FAM193A: variants seen among roughly 807,000 people sequenced by gnomAD.
FAM193A encodes protein FAM193A.
FAM193A carries 22 observed loss-of-function variants against 126.5 expected under a neutral mutation model. That is an observed-to-expected ratio of 0.17 (90% CI 0.12 to 0.25). FAM193A has a LOEUF of 0.25. Among genes scored for constraint, FAM193A ranks in the 10% least tolerant of loss-of-function variants. The pLI is 1.00. For synonymous variants in FAM193A, 761 were observed against 646.8 expected (o/e 1.18, Z -2.68); for missense variants, 1,675 against 1,672.8 (o/e 1.00, Z -0.02).
intron 1 of FAM193A, among the ~76,000 whole-genome samples, chr4:2,592,666 A>T (rs1430496702): frequency 6.6e-6 from 1 of 152,196 alleles, no homozygotes; most frequent in African/African-American, 2.4e-5. Context: ...ACCGAGTCTG[A>T]GGATCTCCTT....
chr4:2,539,459 T>G (rs553769024), intron 1 of FAM193A, among the ~76,000 whole-genome samples: 2 of 152,140 alleles, frequency 1.3e-5, no homozygotes, highest in Non-Finnish European at 1.5e-5. Flanking sequence ...CTCTCTCTGT[T>G]GCATAGGCTA....
At chr4:2,570,326 C>G (rs1739217556) in intron 1 of FAM193A, among the ~76,000 whole-genome samples, 1 of 152,092 alleles carries the variant, frequency 6.6e-6, no homozygotes. Flanking sequence ...GCAGTACATT[C>G]TATGAGTTAC....
At chr4:2,610,257 C>T (rs1187515592) in intron 2 of FAM193A, among the ~76,000 whole-genome samples, 1 of 151,902 alleles carries the variant, frequency 6.6e-6, no homozygotes, top group African/African-American at 2.4e-5. Context: ...AAAAAAAACT[C>T]GCTAGTATTT....
At chr4:2,699,603 A>G in intron 18 of FAM193A, 77 bp from the exon 19 acceptor site, 12 of 1,440,550 alleles carry the variant, frequency 8.3e-6, no homozygotes, top group Non-Finnish European at 1.0e-5. Context: ...CGTTTTTGAA[A>G]TTATCTTAGT....
At chr4:2,571,283 A>G (rs7676375) in intron 1 of FAM193A, among the ~76,000 whole-genome samples, 14,708 of 152,198 alleles carry the variant, frequency 0.097, 1,470 homozygotes, top group African/African-American at 0.26. Context: ...CCTGTACCCC[A>G]TGGATTAATT....
At chr4:2,703,870 G>T (rs1180875441) in intron 19 of FAM193A, among the ~76,000 whole-genome samples, 1 of 151,896 alleles carries the variant, frequency 6.6e-6, no homozygotes, top group East Asian at 1.9e-4. Flanking sequence ...TACTTGGGAG[G>T]CTGAGGCAGG....
intron 2 of FAM193A, chr4:2,615,258 C>G (rs1742109961): frequency 6.6e-6 from 1 of 152,266 alleles, no homozygotes; most frequent in Admixed American, 6.5e-5. Context: ...TTTGTACCAG[C>G]TTGTTTTGGT....
intron 1 of FAM193A, among the ~76,000 whole-genome samples, chr4:2,541,621 T>G (rs1215670151): frequency 6.6e-6 from 1 of 151,330 alleles, no homozygotes; most frequent in East Asian, 2.0e-4. Flanking sequence ...AATTTTTGTA[T>G]TTTTAGTAGA....
At chr4:2,608,830 A>G (rs1177670960) in intron 2 of FAM193A, among the ~76,000 whole-genome samples, 1 of 151,730 alleles carries the variant, frequency 6.6e-6, no homozygotes, top group African/African-American at 2.4e-5. Flanking sequence ...GAACTTAGCA[A>G]TTTGGTTTCA....
At chr4:2,661,949 C>T (rs1712498191) in intron 10 of FAM193A, among the ~76,000 whole-genome samples, 1 of 152,064 alleles carries the variant, frequency 6.6e-6, no homozygotes, top group South Asian at 2.1e-4. Flanking sequence ...TTTGGGAGGC[C>T]GAGGCGGGCG....
intron 6 of FAM193A, among the ~76,000 whole-genome samples, chr4:2,642,308 AACAC>A (rs1310530091): frequency 6.6e-6 from 1 of 151,950 alleles, no homozygotes. Context: ...ATCTCAAAAA[AACAC>A]ACAAAAAAAT....
intron 1 of FAM193A, among the ~76,000 whole-genome samples, chr4:2,544,200 C>A (rs1737411952): frequency 6.6e-6 from 1 of 152,082 alleles, no homozygotes; most frequent in Non-Finnish European, 1.5e-5. Context: ...AATGGTGTAC[C>A]TGCAGAGAGC....
intron 1 of FAM193A, among the ~76,000 whole-genome samples, chr4:2,590,080 A>G (rs1466710655): frequency 6.6e-6 from 1 of 150,824 alleles, no homozygotes; most frequent in Non-Finnish European, 1.5e-5. Context: ...GGTTGCAATG[A>G]GCTGAGATCA....
At chr4:2,728,796 A>G (rs1417892935) in intron 20 of FAM193A, among the ~76,000 whole-genome samples, 1 of 151,798 alleles carries the variant, frequency 6.6e-6, no homozygotes, top group Non-Finnish European at 1.5e-5. Flanking sequence ...GAAACCATAT[A>G]CTCAGAAAGT....
At chr4:2,564,348 G>T (rs1471367026) in intron 1 of FAM193A, among the ~76,000 whole-genome samples, 1 of 152,016 alleles carries the variant, frequency 6.6e-6, no homozygotes, top group East Asian at 1.9e-4. Context: ...CTCACCAAGT[G>T]CTGGGATTAC....
chr4:2,689,711 A>T lies in FAM193A; in HGVS notation c.2530+7A>T, dbSNP rs748544432. 1.0e-5 allele frequency: 16 copies of T among 1,560,976 alleles called. No individual in the cohort carries two copies. The Admixed American group carries it at 2.1e-4, about 21-fold the overall frequency. ...TTGCCAGATACAATTTCTGGTAAGG[A>T]ATTTGTTAAAACTTTCTTGAAGTTT... On this transcript the variant is annotated splice_region_variant and intron_variant, in intron 14 of 20. Coordinates refer to ENST00000637812, the MANE Select transcript of FAM193A (RefSeq NM_001366318.2).
intron 1 of FAM193A, among the ~76,000 whole-genome samples, chr4:2,578,345 TAATA>T (rs1399685303): frequency 2.0e-5 from 3 of 152,190 alleles, no homozygotes; most frequent in Non-Finnish European, 2.9e-5. Context: ...ATCATTTTAA[TAATA>T]AATAGCTGCC....
chr4:2,710,762 C>G (rs1283115614), intron 19 of FAM193A, among the ~76,000 whole-genome samples: 1 of 152,156 alleles, frequency 6.6e-6, no homozygotes, highest in African/African-American at 2.4e-5. Context: ...ACCTAGGCCT[C>G]CCAAAGTGCT....
At chr4:2,718,225 C>T (rs1317916406) in intron 20 of FAM193A, among the ~76,000 whole-genome samples, 1 of 151,290 alleles carries the variant, frequency 6.6e-6, no homozygotes, top group African/African-American at 2.4e-5. Flanking sequence ...AGAAGATCAA[C>T]AAAGCTAAAA....
Sources: gnomAD v4.1 joint callset for allele counts (sites outside exome capture counted in the v4.1 genomes callset) on GRCh38, gnomAD v4.1.1 for gene constraint, MANE v1.5 for transcripts, NCBI Gene and HGNC (gene_info 2026-07-23, HGNC 2026-07-21) for gene names.